The following N4BP2L2 variants were observed in gnomAD, a reference collection of about 807,000 sequenced individuals.
N4BP2L2 encodes NEDD4 binding protein 2 like 2, also known as NEDD4-binding protein 2-like 2.
In N4BP2L2, 50 loss-of-function variants were observed where a neutral mutation model predicts 56.2. The observed-to-expected ratio is 0.89, with a 90% confidence interval of 0.71 to 1.13. N4BP2L2 has a LOEUF of 1.13. Among genes scored for constraint, N4BP2L2 ranks in the 50% most tolerant of loss-of-function variants. N4BP2L2 has a pLI of 0.00. For synonymous variants in N4BP2L2, 203 were observed against 223.6 expected (o/e 0.91, Z 0.82); for missense variants, 689 against 693.8 (o/e 0.99, Z 0.08).
chr13:32,536,375 T>A, exon 2 of N4BP2L2: 1 of 1,614,138 alleles, frequency 6.2e-7, no homozygotes, highest in Non-Finnish European at 8.5e-7. Flanking sequence ...CTTTTCTTCA[T>A]CAGGTTTTAA....
exon 1 of N4BP2L2, chr13:32,538,633 C>A: frequency 1.0e-6 from 1 of 985,526 alleles, no homozygotes; most frequent in Non-Finnish European, 1.2e-6. Flanking sequence ...TCTACCCCTA[C>A]GCATTGACCT....
At chr13:32,464,080 G>A (rs2080777280) in intron 6 of N4BP2L2, among the ~76,000 whole-genome samples, 1 of 152,126 alleles carries the variant, frequency 6.6e-6, no homozygotes, top group South Asian at 2.1e-4. Flanking sequence ...GTCAATATAT[G>A]CTTTGTAAGT....
At chr13:32,495,514 C>T (rs1156491336) in intron 6 of N4BP2L2, among the ~76,000 whole-genome samples, 4 of 152,166 alleles carry the variant, frequency 2.6e-5, no homozygotes, top group African/African-American at 9.7e-5. Context: ...TCTTACCTTT[C>T]CCACCCAGAC....
intron 6 of N4BP2L2, chr13:32,444,222 C>T (rs1169829152): frequency 1.1e-6 from 1 of 934,366 alleles, no homozygotes; most frequent in Non-Finnish European, 1.5e-6. Context: ...GGTTTAAAAA[C>T]CTTTAGTACA....
At chr13:32,501,633 T>C (rs1593906019) in intron 6 of N4BP2L2, among the ~76,000 whole-genome samples, 1 of 151,824 alleles carries the variant, frequency 6.6e-6, no homozygotes, top group South Asian at 2.1e-4. Flanking sequence ...GCTAACATGG[T>C]GAAACCCCGT....
At chr13:32,532,807 T>C (rs1383147288) in intron 2 of N4BP2L2, among the ~76,000 whole-genome samples, 1 of 151,804 alleles carries the variant, frequency 6.6e-6, no homozygotes, top group Non-Finnish European at 1.5e-5. Context: ...GCCAGGATGG[T>C]CTCGATCTCT....
intron 6 of N4BP2L2, among the ~76,000 whole-genome samples, chr13:32,450,087 T>C (rs755968559): frequency 3.9e-5 from 6 of 152,284 alleles, no homozygotes; most frequent in Non-Finnish European, 7.4e-5. Flanking sequence ...CAACAATTGG[T>C]GAAAACACAT....
chr13:32,482,905 T>C (rs756266774), intron 6 of N4BP2L2, among the ~76,000 whole-genome samples: 14 of 152,360 alleles, frequency 9.2e-5, no homozygotes, highest in South Asian at 4.1e-4. Flanking sequence ...GCATTGGTAT[T>C]TGATTCTATC....
chr13:32,489,464 G>C (rs1486268381), intron 6 of N4BP2L2, among the ~76,000 whole-genome samples: 2 of 152,126 alleles, frequency 1.3e-5, no homozygotes, highest in African/African-American at 4.8e-5. Context: ...AGATCAAGCA[G>C]CATATATTTT....
chr13:32,443,717 T>C (rs1462904647), exon 7 of N4BP2L2: 2 of 1,584,080 alleles, frequency 1.3e-6, no homozygotes, highest in South Asian at 2.4e-5. Context: ...ATTGGACAAG[T>C]AACGGAGATT....
intron 6 of N4BP2L2, among the ~76,000 whole-genome samples, chr13:32,460,745 T>C (rs1411266627): frequency 2.6e-5 from 4 of 152,034 alleles, no homozygotes; most frequent in Non-Finnish European, 5.9e-5. Context: ...TTCTAAAATT[T>C]GCATGGAACC....
chr13:32,498,557 G>T (rs950589494), intron 6 of N4BP2L2, among the ~76,000 whole-genome samples: 3 of 151,812 alleles, frequency 2.0e-5, no homozygotes, highest in Non-Finnish European at 4.4e-5. Flanking sequence ...GGCCAGGCTG[G>T]TCTCGAACTC....
At chr13:32,468,105 C>T (rs2138857712) in intron 6 of N4BP2L2, among the ~76,000 whole-genome samples, 1 of 152,014 alleles carries the variant, frequency 6.6e-6, no homozygotes, top group East Asian at 1.9e-4. Context: ...GCATTCATAT[C>T]CCAGGTAGGA....
At chr13:32,462,659 A>G (rs1450435632) in intron 6 of N4BP2L2, among the ~76,000 whole-genome samples, 1 of 152,072 alleles carries the variant, frequency 6.6e-6, no homozygotes, top group Non-Finnish European at 1.5e-5. Context: ...AAGGTGATGG[A>G]TACCCTAAAT....
At chr13:32,461,684 C>T (rs2080106510) in intron 6 of N4BP2L2, among the ~76,000 whole-genome samples, 1 of 152,178 alleles carries the variant, frequency 6.6e-6, no homozygotes, top group Admixed American at 6.5e-5. Context: ...TTCACTGCAG[C>T]CTTGAACTCC....
At chr13:32,460,539 C>A (rs1566060043) in intron 6 of N4BP2L2, among the ~76,000 whole-genome samples, 1 of 151,926 alleles carries the variant, frequency 6.6e-6, no homozygotes, top group Admixed American at 6.6e-5. Context: ...ATGAAAAAGG[C>A]AATTCCATTT....
At chr13:32,479,289 T>C (rs1200918946) in intron 6 of N4BP2L2, among the ~76,000 whole-genome samples, 1 of 152,054 alleles carries the variant, frequency 6.6e-6, no homozygotes, top group Non-Finnish European at 1.5e-5. Flanking sequence ...TTTTTTGAGA[T>C]GCAGTCTGAC....
rs76643517 is a variant in N4BP2L2, at chr13:32,530,204, A to C, written c.1260-2672T>G. 7.1e-3 allele frequency among the ~76,000 whole-genome samples: 1,079 copies of C among 152,314 alleles called. 13 individuals carry two copies. The highest frequency in any genetic ancestry group is 0.025 in the African/African-American group (1,041 of 41,554). ...CTCTATAAAGAACATTTTCTTAAAT[A>C]TATAAATCATAACTATAGTAAATAA... is the stretch of plus-strand genomic sequence containing the variant. On this transcript the variant is annotated intron_variant, in intron 2 of 5. Coordinates refer to ENST00000267068, the Ensembl canonical transcript of N4BP2L2.
intron 4 of N4BP2L2, chr13:32,521,808 T>C (rs1212025709): frequency 3.8e-6 from 1 of 262,028 alleles, no homozygotes; most frequent in African/African-American, 2.3e-5. Flanking sequence ...AAACCCTGTC[T>C]CTACTAAAAA....
Sources: gnomAD v4.1 joint callset for allele counts (sites outside exome capture counted in the v4.1 genomes callset) on GRCh38, gnomAD v4.1.1 for gene constraint, MANE v1.5 for transcripts, NCBI Gene and HGNC (gene_info 2026-07-23, HGNC 2026-07-21) for gene names.